ATXN1: variants seen among roughly 807,000 people sequenced by gnomAD.
ATXN1 encodes the protein ataxin 1.
ATXN1 carries 8 observed loss-of-function variants against 56.4 expected under a neutral mutation model. That is an observed-to-expected ratio of 0.14 (90% CI 0.08 to 0.26). ATXN1 has a LOEUF of 0.26. Ranked by LOEUF, ATXN1 falls within the 10% of genes least tolerant of loss-of-function variation. The pLI is 1.00. For synonymous variants in ATXN1, 514 were observed against 494.6 expected (o/e 1.04, Z -0.52); for missense variants, 987 against 1,106.5 (o/e 0.89, Z 1.53).
intron 6 of ATXN1, among the ~76,000 whole-genome samples, chr6:16,414,458 G>C (rs1758862896): frequency 6.6e-6 from 1 of 152,168 alleles, no homozygotes; most frequent in South Asian, 2.1e-4. Context: ...AGATAAAACA[G>C]CTTCTGCATA....
chr6:16,446,520 T>A (rs1426355271), intron 6 of ATXN1, among the ~76,000 whole-genome samples: 1 of 152,250 alleles, frequency 6.6e-6, no homozygotes, highest in Non-Finnish European at 1.5e-5. Flanking sequence ...GATTTGTGAA[T>A]CAGAATTCCT....
rs9464941 is a variant in ATXN1 at position 16,751,495 on chromosome 6, A to G, written c.-615+1738T>C. 8.0e-3 allele frequency among the ~76,000 whole-genome samples: 1,222 copies of G among 152,208 alleles called. 19 individuals are homozygous for G. Among genetic ancestry groups the G allele is most frequent in the African/African-American group, 0.028 (1,153 of 41,528 alleles). ...TTTTGGCTGTTTTTCCTGAGGCATA[A>G]TACTTCAGTCACTCAGGTTTTTGTT... On this transcript the variant is annotated intron_variant, in intron 2 of 7. Coordinates refer to ENST00000436367, the MANE Select transcript of ATXN1 (RefSeq NM_001128164.2).
chr6:16,453,207 T>G (rs1032704427), intron 6 of ATXN1, among the ~76,000 whole-genome samples: 2 of 152,138 alleles, frequency 1.3e-5, no homozygotes, highest in Non-Finnish European at 2.9e-5. Context: ...GGGGGTACAC[T>G]CTCAGCACTT....
At position 16,760,007 on chromosome 6, in the gene ATXN1, GTCAC is replaced by G. The variant is rs1263905647; in HGVS notation, c.-730+1287_-730+1290del. Among the ~76,000 whole-genome samples the G allele has an allele frequency of 1.3e-5, 2 of 151,356 alleles. No homozygotes were observed. The highest frequency in any genetic ancestry group is 6.7e-5 in the Admixed American group (1 of 15,022). On this transcript the variant is annotated intron_variant, in intron 1 of 7. Coordinates refer to ENST00000436367, the MANE Select transcript of ATXN1 (RefSeq NM_001128164.2). This position sits in a 1 kb window ranked among gnomAD's most constrained non-coding sequence, Gnocchi z 5.3. ...GCGCGCGCACAAATACACACACACA[GTCAC>G]TCACACACTCACTCACACTCACGCC...
chr6:16,727,401 A>G (rs1759873868), intron 2 of ATXN1, among the ~76,000 whole-genome samples: 1 of 152,198 alleles, frequency 6.6e-6, no homozygotes, highest in South Asian at 2.1e-4. Flanking sequence ...AACACACAAA[A>G]AAGTTACTAC....
In ATXN1 at chr6:16,397,255, T is replaced by C. The variant is rs1178884494; in HGVS notation, c.-160-68785A>G. Among the ~76,000 whole-genome samples, 6 of 151,896 alleles carry C rather than the reference T, an allele frequency of 4.0e-5. No homozygotes were observed. The East Asian group carries it at 7.7e-4, about 20-fold the overall frequency. The stretch of plus-strand genomic sequence containing the variant: ...CCCGAGCCAGTAGCTAAACTTTTTG[T>C]TTTGTTTTTTGTTTTTTTGTTTTTT... On this transcript the variant is annotated intron_variant, in intron 6 of 7. Coordinates refer to ENST00000436367, the MANE Select transcript of ATXN1 (RefSeq NM_001128164.2).
rs145990477 is a variant in ATXN1 at position 16,627,847 on chromosome 6, G to C, written c.-489+29929C>G. 4.7e-3 allele frequency among the ~76,000 whole-genome samples: 714 copies of C among 152,278 alleles called. 6 individuals carry two copies. The highest frequency in any genetic ancestry group is 0.016 in the African/African-American group (674 of 41,552). ...CCAGCTCTAAGGGGGAGGTCAACTT[G>C]TGAGCAATAAGTCGAAGCAACATGA... On this transcript the variant is annotated intron_variant, in intron 3 of 7. Transcript: ENST00000436367.
intron 2 of ATXN1, among the ~76,000 whole-genome samples, chr6:16,732,390 G>C (rs1760010380): frequency 6.6e-6 from 1 of 152,126 alleles, no homozygotes; most frequent in South Asian, 2.1e-4. Context: ...GGCCAACATG[G>C]TGAAACCCCG....
intron 6 of ATXN1, among the ~76,000 whole-genome samples, chr6:16,425,478 A>G (rs1759133886): frequency 6.6e-6 from 1 of 152,228 alleles, no homozygotes; most frequent in Non-Finnish European, 1.5e-5. Flanking sequence ...GGTATTATTC[A>G]CACACCTTGG....
intron 6 of ATXN1, among the ~76,000 whole-genome samples, chr6:16,437,190 C>T (rs1300557930): frequency 1.3e-5 from 2 of 152,164 alleles, no homozygotes; most frequent in Non-Finnish European, 2.9e-5. Flanking sequence ...AAAAACAGAC[C>T]AGGTTTGAGG....
chr6:16,348,376 C>G (rs1249901797), intron 6 of ATXN1, among the ~76,000 whole-genome samples: 4 of 152,150 alleles, frequency 2.6e-5, no homozygotes, highest in Admixed American at 1.3e-4. Flanking sequence ...ATTCAACTTT[C>G]TAAGCTTTGA....
rs528876912 is a variant in ATXN1, at chr6:16,330,712, T to C, written c.-160-2242A>G. 2.1e-3 allele frequency among the ~76,000 whole-genome samples: 317 copies of C among 152,212 alleles called. 1 individual carries two copies. Among genetic ancestry groups the C allele is most frequent in the Non-Finnish European group, 2.6e-3 (180 of 68,002 alleles). On this transcript the variant is annotated intron_variant, in intron 6 of 7. Transcript: ENST00000436367. ...AGGGGCAATGATTTAATGGCCCTTA[T>C]TGGTTTTGCTCCAACATCATCAATG...
intron 4 of ATXN1, among the ~76,000 whole-genome samples, chr6:16,551,341 A>G (rs906704258): frequency 6.6e-6 from 1 of 152,222 alleles, no homozygotes; most frequent in Non-Finnish European, 1.5e-5. Flanking sequence ...ACAGGCCCCA[A>G]CATTCCCTTT....
chr6:16,534,884 G>A (rs538304564), intron 4 of ATXN1, among the ~76,000 whole-genome samples: 1 of 152,240 alleles, frequency 6.6e-6, no homozygotes, highest in Non-Finnish European at 1.5e-5. Flanking sequence ...GGTCGCACCA[G>A]CCCTTCTGTA....
chr6:16,330,716 T>G (rs570034030), intron 6 of ATXN1, among the ~76,000 whole-genome samples: 3 of 152,170 alleles, frequency 2.0e-5, no homozygotes, highest in Admixed American at 6.5e-5. Flanking sequence ...CCCTTATTGG[T>G]TTTGCTCCAA....
chr6:16,566,039 G>A (rs1561757762), intron 4 of ATXN1, among the ~76,000 whole-genome samples: 1 of 151,950 alleles, frequency 6.6e-6, no homozygotes, highest in Non-Finnish European at 1.5e-5. Flanking sequence ...GGAGGGAAGG[G>A]TCTCAAAAAA....
chr6:16,466,176 G>A (rs915350799), intron 6 of ATXN1, among the ~76,000 whole-genome samples: 6 of 151,778 alleles, frequency 4.0e-5, no homozygotes, highest in Non-Finnish European at 5.9e-5. Context: ...TTAGCTGGGC[G>A]CAGTGGCAGG....
At chr6:16,746,751 A>T (rs190157573) in intron 2 of ATXN1, among the ~76,000 whole-genome samples, 2 of 152,342 alleles carry the variant, frequency 1.3e-5, no homozygotes, top group African/African-American at 4.8e-5. Flanking sequence ...AATAATAGCT[A>T]AAATATAAAT....
At chr6:16,481,679 C>G (rs1442423575) in intron 6 of ATXN1, among the ~76,000 whole-genome samples, 1 of 152,158 alleles carries the variant, frequency 6.6e-6, no homozygotes, top group East Asian at 1.9e-4. Context: ...TCACACACCA[C>G]AGAGACATTA....
Sources: allele counts gnomAD v4.1 joint callset (sites outside exome capture counted in the v4.1 genomes callset), GRCh38; gene constraint gnomAD v4.1.1; non-coding constraint Gnocchi (gnomAD v3.1); transcripts MANE v1.5; gene names NCBI Gene and HGNC (gene_info 2026-07-23, HGNC 2026-07-21).